The following OR1J1 variants were observed in gnomAD, a reference collection of about 807,000 sequenced individuals.
The protein encoded by OR1J1 is olfactory receptor family 1 subfamily J member 1.
For missense variants in OR1J1, 392 were observed against 393.9 expected (o/e 1.00, Z 0.04); for synonymous variants, 165 against 157.2 (o/e 1.05, Z -0.37).
rs1165210467 is a variant in OR1J1, at chr9:122,477,288, G to A, written c.639C>T (p.Cys213=). ...CAATGTGACCATAAGAAACCAGGAT[G>A]CACAGGAATGGAAGCATAATGGCTG... The part of the protein sequence containing the change: ...ALTAIMLPFL[C]ILVSYGHIGV... Residue 213 remains cysteine (C), a synonymous_variant, in exon 1 of 1, where the codon TGC becomes TGT. Coordinates refer to ENST00000259357, the MANE Select transcript of OR1J1 (RefSeq NM_001004451.1). 2 of 1,614,056 alleles carry A rather than the reference G, an allele frequency of 1.2e-6. No individual in the cohort carries two copies. The highest frequency in any genetic ancestry group is 1.3e-5 in the African/African-American group (1 of 74,930).
chr9:122,476,981 T>C lies in OR1J1; in HGVS notation c.946A>G (p.Asn316Asp). 1.3e-6 allele frequency: 2 copies of C among 1,524,296 alleles called. No individual in the cohort carries two copies. The highest frequency in any genetic ancestry group is 1.8e-6 in the Non-Finnish European group (2 of 1,099,752). The allele number at this position is 1,524,296 out of a possible 1,614,324, so 94.4% of individuals were successfully genotyped here. A position where few individuals can be genotyped will look rare whatever the true frequency, so the allele number is the denominator to read the frequency against. Residue 316 changes from asparagine to aspartate, a missense_variant, in exon 1 of 1, where the codon AAT (asparagine) becomes GAT (aspartate). Coordinates refer to ENST00000259357, the MANE Select transcript of OR1J1 (RefSeq NM_001004451.1). ...CCTCAGCCTCCCAAAGTGTTGAGAT[T>C]ACAGGCATGAGCCACTGCGCCTGAC... ...SRSGAVAHAC[N>D]LNTLGG
rs759918846 is a variant in OR1J1, at chr9:122,477,158, C to A, written c.769G>T (p.Gly257Cys). Reference sequence around the variant, plus strand: ...CTGGATGGGGGAAGAAAATAGAGACCAATAATTGTCCGATAATAGATAGTC... The same window carrying A: ...CTGGATGGGGGAAGAAAATAGAGACAAATAATTGTCCGATAATAGATAGTC... The part of the protein sequence containing the change: ...VVTIYYRTII[G>C]LYFLPPSSNT... The change falls in exon 1 of 1, where the codon GGT becomes TGT. Residue 257 changes from glycine (G) to cysteine (C), a missense_variant. Gly to Cys is a radical substitution (Grantham distance 159, BLOSUM62 -3). Coordinates refer to ENST00000259357, the MANE Select transcript of OR1J1 (RefSeq NM_001004451.1). 3.1e-6 allele frequency: 5 copies of A among 1,614,030 alleles called. No individual in the cohort carries two copies.
At position 122,477,080 on chromosome 9, in the gene OR1J1, G is replaced by A. The variant is rs767777235; in HGVS notation, c.847C>T (p.Pro283Ser). ...CTGTAAATGAATGGGTTCAACATGGGAGTGACTGCTGTGTATATCACTGAA... is the reference window on the plus strand; with the variant it reads ...CTGTAAATGAATGGGTTCAACATGGAAGTGACTGCTGTGTATATCACTGAA... The part of the protein sequence containing the change: ...IASVIYTAVT[P>S]MLNPFIYSLR... The change falls in exon 1 of 1, where the codon CCC (proline) becomes TCC (serine). Residue 283 changes from proline to serine, a missense_variant. By Grantham distance (74) the Pro-to-Ser change is moderately conservative. Transcript: ENST00000259357. 1.2e-6 allele frequency: 2 copies of A among 1,613,904 alleles called. No homozygotes were observed.
In OR1J1 at chr9:122,477,851, C is replaced by G. The variant is rs578060737; in HGVS notation, c.76G>C (p.Val26Leu). The change falls in exon 1 of 1, where the codon GTG becomes CTG. Residue 26 changes from valine to leucine, a missense_variant. Val to Leu is a conservative substitution (Grantham distance 32). Coordinates refer to ENST00000259357, the MANE Select transcript of OR1J1 (RefSeq NM_001004451.1). Reference protein sequence around the residue: ...GLPIRPEQQAVFFALFLGMYL... With the variant: ...GLPIRPEQQALFFALFLGMYL... ...ATGCCCAGGAACAGGGCGAAGAACA[C>G]GGCCTGCTGCTCTGGCCGGATGGGG... The G allele has an allele frequency of 6.2e-7, 1 of 1,613,900 alleles. No individual in the cohort carries two copies. The highest frequency in any genetic ancestry group is 1.7e-5 in the Admixed American group (1 of 60,012).
chr9:122,476,999 C>A lies in OR1J1; in HGVS notation c.928G>T (p.Ala310Ser). 6.3e-7 allele frequency: 1 copy of A among 1,598,462 alleles called. No individual in the cohort carries two copies. The highest frequency in any genetic ancestry group is 8.6e-7 in the Non-Finnish European group (1 of 1,166,284). ...ALRKLLSRSGAVAHACNLNTL... is the reference protein window; with the variant it reads ...ALRKLLSRSGSVAHACNLNTL... ...TTGAGATTACAGGCATGAGCCACTG[C>A]GCCTGACCTACTCAAGAGTTTTCTT... Residue 310 changes from alanine to serine, a missense_variant, in exon 1 of 1, where the codon GCA (alanine) becomes TCA (serine). Ala to Ser is a moderately conservative substitution (Grantham distance 99). Transcript: ENST00000259357.
Position 122,477,184 on chromosome 9 carries a change from A to G in OR1J1, c.743T>C (p.Val248Ala). 1 of 1,614,186 alleles carries G rather than the reference A, an allele frequency of 6.2e-7. No homozygotes were observed. Among genetic ancestry groups the G allele is most frequent in the Non-Finnish European group, 8.5e-7 (1 of 1,180,016 alleles). The stretch of plus-strand genomic sequence containing the variant: ...AATAATTGTCCGATAATAGATAGTC[A>G]CCACTGAGAGGTGGGATCCACAAGT... ...LSTCGSHLSV[V>A]TIYYRTIIGL... Residue 248 changes from valine to alanine, a missense_variant, in exon 1 of 1, where the codon GTG (valine) becomes GCG (alanine). Transcript: ENST00000259357.
Position 122,477,283 on chromosome 9 carries a change from A to G in OR1J1, c.644T>C (p.Leu215Pro). Residue 215 changes from leucine (L) to proline (P), a missense_variant, in exon 1 of 1, where the codon CTG becomes CCG. Coordinates refer to ENST00000259357, the MANE Select transcript of OR1J1 (RefSeq NM_001004451.1). ...GACCCCAATGTGACCATAAGAAACCAGGATGCACAGGAATGGAAGCATAAT... is the reference window on the plus strand; with the variant it reads ...GACCCCAATGTGACCATAAGAAACCGGGATGCACAGGAATGGAAGCATAAT... Reference protein sequence around the residue: ...TAIMLPFLCILVSYGHIGVTI... With the variant: ...TAIMLPFLCIPVSYGHIGVTI... 6.2e-7 allele frequency: 1 copy of G among 1,614,224 alleles called. No individual in the cohort carries two copies.
rs772204591 is a variant in OR1J1 at position 122,477,709 on chromosome 9, A to G, written c.218T>C (p.Phe73Ser). The G allele has an allele frequency of 3.1e-6, 5 of 1,614,156 alleles. No individual in the cohort carries two copies. The Admixed American group carries it at 8.3e-5, about 27-fold the overall frequency. Residue 73 changes from phenylalanine to serine, a missense_variant, in exon 1 of 1, where the codon TTT becomes TCT. Transcript: ENST00000259357. ...LSHLALTDISFSSVTVPKMLM... is the reference protein window; with the variant it reads ...LSHLALTDISSSSVTVPKMLM... ...CATCTTAGGGACAGTGACAGATGAA[A>G]AGGAGATGTCAGTGAGGGCCAAGTG...
chr9:122,477,345 G>A lies in OR1J1; in HGVS notation c.582C>T (p.Leu194=), dbSNP rs1839580588. ...LLKLSCSDTS[L]NQLAIFTAAL... ...CTGCTGTAAAGATTGCTAACTGATT[G>A]AGGGAGGTGTCTGAGCAGGACAACT... Residue 194 remains leucine (L), a synonymous_variant, in exon 1 of 1, where the codon CTC becomes CTT. Coordinates refer to ENST00000259357, the MANE Select transcript of OR1J1 (RefSeq NM_001004451.1). The A allele has an allele frequency of 1.9e-6, 3 of 1,614,062 alleles. No homozygotes were observed. The highest frequency in any genetic ancestry group is 1.3e-5 in the African/African-American group (1 of 75,058).
chr9:122,477,413 G>T lies in OR1J1; in HGVS notation c.514C>A (p.His172Asn), dbSNP rs116430684. ...LLAQLSFCADHIIPHYFCDLG... is the reference protein window; with the variant it reads ...LLAQLSFCADNIIPHYFCDLG... ...TCACAGAAGTAGTGAGGGATGATGTGGTCAGCACAGAAGGAAAGCTGGGCC... is the reference window on the plus strand; with the variant it reads ...TCACAGAAGTAGTGAGGGATGATGTTGTCAGCACAGAAGGAAAGCTGGGCC... Residue 172 changes from histidine (H) to asparagine (N), a missense_variant, in exon 1 of 1, where the codon CAC (histidine) becomes AAC (asparagine). Coordinates refer to ENST00000259357, the MANE Select transcript of OR1J1 (RefSeq NM_001004451.1). 2 of 1,613,944 alleles carry T rather than the reference G, an allele frequency of 1.2e-6. No homozygotes were observed. Among genetic ancestry groups the T allele is most frequent in the Admixed American group, 3.3e-5 (2 of 59,972 alleles).
chr9:122,477,396 G>A lies in OR1J1; in HGVS notation c.531C>T (p.Tyr177=). 1 of 1,614,110 alleles carries A rather than the reference G, an allele frequency of 6.2e-7. No homozygotes were observed. The highest frequency in any genetic ancestry group is 1.1e-5 in the South Asian group (1 of 91,062). The change falls in exon 1 of 1, where the codon TAC becomes TAT. Residue 177 remains tyrosine, a synonymous_variant. Coordinates refer to ENST00000259357, the MANE Select transcript of OR1J1 (RefSeq NM_001004451.1). ...SFCADHIIPH[Y]FCDLGALLKL... ...TGAGCAGGGCACCAAGGTCACAGAA[G>A]TAGTGAGGGATGATGTGGTCAGCAC...
rs868316892 is a variant in OR1J1, at chr9:122,477,741, G to A, written c.186C>T (p.Phe62=). The A allele has an allele frequency of 6.2e-7, 1 of 1,614,156 alleles. No homozygotes were observed. ...TGTCAGTGAGGGCCAAGTGGCTAAG[G>A]AAGAAGTACATGGGGGTGTGAAGGT... The part of the protein sequence containing the change: ...DSHLHTPMYF[F]LSHLALTDIS... Residue 62 remains phenylalanine, a synonymous_variant, in exon 1 of 1, where the codon TTC becomes TTT. Coordinates refer to ENST00000259357, the MANE Select transcript of OR1J1 (RefSeq NM_001004451.1).
Position 122,477,826 on chromosome 9 carries a change from A to C in OR1J1, c.101T>G (p.Met34Arg), listed in dbSNP as rs200472024. ...QAVFFALFLGMYLTTVLGNLL... is the reference protein window; with the variant it reads ...QAVFFALFLGRYLTTVLGNLL... Reference sequence around the variant, plus strand: ...GTTCCCCAGCACCGTGGTCAGGTACATGCCCAGGAACAGGGCGAAGAACAC... The same window carrying C: ...GTTCCCCAGCACCGTGGTCAGGTACCTGCCCAGGAACAGGGCGAAGAACAC... Residue 34 changes from methionine (M) to arginine (R), a missense_variant, in exon 1 of 1, where the codon ATG becomes AGG. By Grantham distance (91) the Met-to-Arg change is moderately conservative. Transcript: ENST00000259357. The C allele has an allele frequency of 1.2e-5, 20 of 1,614,070 alleles. No individual in the cohort carries two copies. The highest frequency in any genetic ancestry group is 1.6e-5 in the Non-Finnish European group (19 of 1,180,022).
rs878954864 is a variant in OR1J1 at position 122,477,536 on chromosome 9, G to A, written c.391C>T (p.His131Tyr). 6.2e-7 allele frequency: 1 copy of A among 1,614,168 alleles called. No individual in the cohort carries two copies. The highest frequency in any genetic ancestry group is 8.5e-7 in the Non-Finnish European group (1 of 1,180,020). Reference protein sequence around the residue: ...DRYVAICHPLHYATIMTQSQC... With the variant: ...DRYVAICHPLYYATIMTQSQC... Reference sequence around the variant, plus strand: ...CTCTGAGTCATGATGGTGGCATAATGTAGAGGATGACAGATGGCCACATAC... The same window carrying A: ...CTCTGAGTCATGATGGTGGCATAATATAGAGGATGACAGATGGCCACATAC... Residue 131 changes from histidine to tyrosine, a missense_variant, in exon 1 of 1, where the codon CAT becomes TAT. By Grantham distance (83) the His-to-Tyr change is moderately conservative. Coordinates refer to ENST00000259357, the MANE Select transcript of OR1J1 (RefSeq NM_001004451.1).
rs1158992924 is a variant in OR1J1, at chr9:122,476,971, G to A, written c.956C>T (p.Thr319Ile). 2 of 1,412,480 alleles carry A rather than the reference G, an allele frequency of 1.4e-6. No individual in the cohort carries two copies. Among genetic ancestry groups the A allele is most frequent in the Admixed American group, 1.7e-5 (1 of 59,552 alleles). 87.5% of individuals were successfully genotyped at this position (1,412,480 alleles called of 1,614,324 possible). A position where few individuals can be genotyped will look rare whatever the true frequency, so the allele number is the denominator to read the frequency against. The change falls in exon 1 of 1, where the codon ACT becomes ATT. Residue 319 changes from threonine to isoleucine, a missense_variant. Physicochemically the swap from Thr to Ile is moderately conservative, Grantham distance 89 (BLOSUM62 -1). Coordinates refer to ENST00000259357, the MANE Select transcript of OR1J1 (RefSeq NM_001004451.1). ...GAVAHACNLN[T>I]LGG ...GATCCGTCTGCCTCAGCCTCCCAAA[G>A]TGTTGAGATTACAGGCATGAGCCAC... is the stretch of plus-strand genomic sequence containing the variant.
Position 122,477,755 on chromosome 9 carries a change from G to A in OR1J1, c.172C>T (p.Pro58Ser), listed in dbSNP as rs764732792. 5 of 1,614,126 alleles carry A rather than the reference G, an allele frequency of 3.1e-6. No individual in the cohort carries two copies. The highest frequency in any genetic ancestry group is 4.2e-6 in the Non-Finnish European group (5 of 1,180,046). ...AAGTGGCTAAGGAAGAAGTACATGG[G>A]GGTGTGAAGGTGAGAGTCTAGCTGG... ...LIQLDSHLHT[P>S]MYFFLSHLAL... Residue 58 changes from proline (P) to serine (S), a missense_variant, in exon 1 of 1, where the codon CCC (proline) becomes TCC (serine). Physicochemically the swap from Pro to Ser is moderately conservative, Grantham distance 74 (BLOSUM62 -1). Coordinates refer to ENST00000259357, the MANE Select transcript of OR1J1 (RefSeq NM_001004451.1).
Position 122,477,177 on chromosome 9 carries a change from G to T in OR1J1, c.750C>A (p.Ile250=). Reference sequence around the variant, plus strand: ...AGAGACCAATAATTGTCCGATAATAGATAGTCACCACTGAGAGGTGGGATC... The same window carrying T: ...AGAGACCAATAATTGTCCGATAATATATAGTCACCACTGAGAGGTGGGATC... ...TCGSHLSVVT[I]YYRTIIGLYF... Residue 250 remains isoleucine, a synonymous_variant, in exon 1 of 1, where the codon ATC becomes ATA. Coordinates refer to ENST00000259357, the MANE Select transcript of OR1J1 (RefSeq NM_001004451.1). 6.2e-7 allele frequency: 1 copy of T among 1,613,624 alleles called. No homozygotes were observed. The highest frequency in any genetic ancestry group is 8.5e-7 in the Non-Finnish European group (1 of 1,180,018).
chr9:122,477,463 C>G lies in OR1J1; in HGVS notation c.464G>C (p.Cys155Ser). 6.2e-7 allele frequency: 1 copy of G among 1,614,086 alleles called. No individual in the cohort carries two copies. Among genetic ancestry groups the G allele is most frequent in the Non-Finnish European group, 8.5e-7 (1 of 1,179,980 alleles). The change falls in exon 1 of 1, where the codon TGT (cysteine) becomes TCT (serine). Residue 155 changes from cysteine to serine, a missense_variant. Cys to Ser is a moderately radical substitution (Grantham distance 112). Coordinates refer to ENST00000259357, the MANE Select transcript of OR1J1 (RefSeq NM_001004451.1). ...CAGGAGGAGGGTATGCAAAAGAGCA[C>G]ACGCACAAGCGATGACCCAGGACCC... is the stretch of plus-strand genomic sequence containing the variant. ...VAGSWVIACA[C>S]ALLHTLLLAQ...
Position 122,477,475 on chromosome 9 carries a change from A to C in OR1J1, c.452T>G (p.Ile151Ser), listed in dbSNP as rs753557544. Reference protein sequence around the residue: ...CVMLVAGSWVIACACALLHTL... With the variant: ...CVMLVAGSWVSACACALLHTL... Reference sequence around the variant, plus strand: ...ATGCAAAAGAGCACACGCACAAGCGATGACCCAGGACCCAGCCACCAGCAT... The same window carrying C: ...ATGCAAAAGAGCACACGCACAAGCGCTGACCCAGGACCCAGCCACCAGCAT... The change falls in exon 1 of 1, where the codon ATC (isoleucine) becomes AGC (serine). Residue 151 changes from isoleucine to serine, a missense_variant. Coordinates refer to ENST00000259357, the MANE Select transcript of OR1J1 (RefSeq NM_001004451.1). 1 of 1,614,070 alleles carries C rather than the reference A, an allele frequency of 6.2e-7. No individual in the cohort carries two copies. The highest frequency in any genetic ancestry group is 8.5e-7 in the Non-Finnish European group (1 of 1,180,002).
Sources: gnomAD v4.1 joint callset for allele counts on GRCh38, gnomAD v4.1.1 for gene constraint, MANE v1.5 for transcripts, NCBI Gene and HGNC (gene_info 2026-07-23, HGNC 2026-07-21) for gene names.